CDC42BPA: variants seen among roughly 807,000 people sequenced by gnomAD.
CDC42BPA encodes the protein CDC42 binding protein kinase alpha.
In CDC42BPA, 80 loss-of-function variants were observed where a neutral mutation model predicts 223.5. That is an observed-to-expected ratio of 0.36 (90% CI 0.30 to 0.43). The LOEUF is 0.43. CDC42BPA is among the 20% of genes least tolerant of loss of function. CDC42BPA has a pLI of 1.00. For missense variants in CDC42BPA, 1,743 were observed against 2,099.9 expected (o/e 0.83, Z 3.32); for synonymous variants, 694 against 718.6 (o/e 0.97, Z 0.55).
At chr1:227,308,309 GA>G (rs1692909083) in intron 1 of CDC42BPA, among the ~76,000 whole-genome samples, 1 of 151,928 alleles carries the variant, frequency 6.6e-6, no homozygotes. Context: ...AGTTCAAGAT[GA>G]ACCTGGGCAA....
At chr1:227,195,710 A>T (rs1261540574) in intron 4 of CDC42BPA, among the ~76,000 whole-genome samples, 1 of 151,836 alleles carries the variant, frequency 6.6e-6, no homozygotes, top group African/African-American at 2.4e-5. Context: ...TTATTATATC[A>T]TATTGTTCTG....
intron 21 of CDC42BPA, among the ~76,000 whole-genome samples, chr1:227,065,468 C>T (rs555957859): frequency 6.6e-6 from 1 of 152,302 alleles, no homozygotes; most frequent in African/African-American, 2.4e-5. Flanking sequence ...ACTGGTATTA[C>T]ATATATTTCT....
intron 10 of CDC42BPA, among the ~76,000 whole-genome samples, chr1:227,136,627 A>G (rs1453302954): frequency 1.3e-5 from 2 of 152,216 alleles, no homozygotes; most frequent in African/African-American, 4.8e-5. Context: ...AGTTAAGGAC[A>G]TAATACTGAA....
intron 1 of CDC42BPA, among the ~76,000 whole-genome samples, chr1:227,260,838 A>C (rs1055166990): frequency 6.6e-6 from 1 of 151,112 alleles, no homozygotes; most frequent in Non-Finnish European, 1.5e-5. Context: ...GGAAAAGAGA[A>C]TAATCCATGC....
At chr1:227,099,704 T>C (rs529396771) in intron 15 of CDC42BPA, among the ~76,000 whole-genome samples, 6 of 152,252 alleles carry the variant, frequency 3.9e-5, no homozygotes, top group East Asian at 1.9e-4. Context: ...TTCTTCTCCA[T>C]GTAGAATGCT....
intron 16 of CDC42BPA, among the ~76,000 whole-genome samples, chr1:227,081,893 T>C (rs565712535): frequency 6.6e-6 from 1 of 152,332 alleles, no homozygotes; most frequent in East Asian, 1.9e-4. Context: ...CACGATAGCA[T>C]CATACTACAA....
intron 1 of CDC42BPA, among the ~76,000 whole-genome samples, chr1:227,276,266 A>G (rs1687005215): frequency 6.9e-6 from 1 of 145,754 alleles, no homozygotes; most frequent in Non-Finnish European, 1.5e-5. Flanking sequence ...CCCGTCTGGG[A>G]TCTGAGGAGC....
intron 5 of CDC42BPA, among the ~76,000 whole-genome samples, chr1:227,165,297 C>A (rs1334656386): frequency 6.6e-6 from 1 of 152,080 alleles, no homozygotes; most frequent in African/African-American, 2.4e-5. Flanking sequence ...AGATGGAGAA[C>A]ATACATATGA....
chr1:226,991,695 GCTCT>G lies in CDC42BPA; in HGVS notation c.*2569_*2572del, dbSNP rs3832013. 3 of 151,772 alleles carry G rather than the reference GCTCT, an allele frequency of 2.0e-5. No homozygotes were observed. Among genetic ancestry groups the G allele is most frequent in the East Asian group, 1.9e-4 (1 of 5,176 alleles). The allele number at this position is 151,772 out of a possible 1,614,324, so 9.4% of individuals were successfully genotyped here. On this transcript the variant is annotated 3_prime_UTR_variant, in exon 37 of 37. Coordinates refer to ENST00000366766, the MANE Select transcript of CDC42BPA (RefSeq NM_001394014.1). ...CTGGCAACCTAGACAAGCCTCAGTA[GCTCT>G]CTCTCTCTGCCCTGTTGGGAGGCTG...
At chr1:227,254,278 T>A (rs2148287104) in intron 1 of CDC42BPA, 123 bp from the exon 2 acceptor site, 1 of 561,624 alleles carries the variant, frequency 1.8e-6, no homozygotes, top group Non-Finnish European at 3.1e-6. Context: ...TCAAAATATT[T>A]AAAAATCCCA....
chr1:227,295,884 A>G (rs1442972033), intron 1 of CDC42BPA, among the ~76,000 whole-genome samples: 1 of 152,228 alleles, frequency 6.6e-6, no homozygotes, highest in East Asian at 1.9e-4. Context: ...CACTTTGTAC[A>G]TCAATCAGCC....
At chr1:227,268,142 G>GT (rs1448169863) in intron 1 of CDC42BPA, among the ~76,000 whole-genome samples, 2 of 152,146 alleles carry the variant, frequency 1.3e-5, no homozygotes, top group African/African-American at 4.8e-5. Context: ...AACTATTTCT[G>GT]AAGTTCAGGT....
In CDC42BPA at chr1:227,028,677, G is replaced by A; in HGVS notation, c.4412C>T (p.Pro1471Leu). Reference protein sequence around the residue: ...RRSRQQELMWPANPSSCCYNA... With the variant: ...RRSRQQELMWLANPSSCCYNA... ...CTTACAACAAGAGGAAGGATTTGCTGGCCACATCAATTCCTGTTGTCTAGA... is the reference window on the plus strand; with the variant it reads ...CTTACAACAAGAGGAAGGATTTGCTAGCCACATCAATTCCTGTTGTCTAGA... The change falls in exon 30 of 37, where the codon CCA becomes CTA. Residue 1471 changes from proline (P) to leucine (L), a missense_variant. Coordinates refer to ENST00000366766, the MANE Select transcript of CDC42BPA (RefSeq NM_001394014.1). 1 of 1,569,998 alleles carries A rather than the reference G, an allele frequency of 6.4e-7. No homozygotes were observed. Among genetic ancestry groups the A allele is most frequent in the Non-Finnish European group, 8.7e-7 (1 of 1,152,478 alleles).
Position 227,112,237 on chromosome 1 carries a change from T to C in CDC42BPA, c.2001+75A>G, listed in dbSNP as rs532578796. The C allele has an allele frequency of 1.2e-4, 90 of 773,714 alleles. 1 individual carries two copies. In the East Asian group the frequency reaches 2.3e-3, roughly 19 times the overall value. 47.9% of individuals were successfully genotyped at this position (773,714 alleles called of 1,614,324 possible). On this transcript the variant is annotated intron_variant, in intron 14 of 36. Coordinates refer to ENST00000366766, the MANE Select transcript of CDC42BPA (RefSeq NM_001394014.1). ...TTTTCACTGCACACCGAATACAGTATACAAGCTAACACTCCTAACAAGCCT... is the reference window on the plus strand; with the variant it reads ...TTTTCACTGCACACCGAATACAGTACACAAGCTAACACTCCTAACAAGCCT...
chr1:227,207,830 G>A, intron 3 of CDC42BPA, among the ~76,000 whole-genome samples: 1 of 121,068 alleles, frequency 8.3e-6, no homozygotes, highest in Non-Finnish European at 1.7e-5. Flanking sequence ...AAACATACGT[G>A]TGCATGTGTC....
chr1:227,184,431 G>T (rs1668433576), intron 5 of CDC42BPA, among the ~76,000 whole-genome samples: 1 of 151,778 alleles, frequency 6.6e-6, no homozygotes, highest in Non-Finnish European at 1.5e-5. Context: ...ATTTGTTCAA[G>T]ATTATTTTTG....
intron 24 of CDC42BPA, among the ~76,000 whole-genome samples, chr1:227,037,493 AC>A (rs1401657449): frequency 6.6e-6 from 1 of 152,208 alleles, no homozygotes; most frequent in Admixed American, 6.5e-5. Context: ...TGGATCTTTC[AC>A]TTTAGCTGTG....
At chr1:227,230,793 T>A (rs1169616483) in intron 2 of CDC42BPA, among the ~76,000 whole-genome samples, 1 of 150,630 alleles carries the variant, frequency 6.6e-6, no homozygotes, top group Non-Finnish European at 1.5e-5. Flanking sequence ...TCCTGCTAAC[T>A]GATTTCTATT....
chr1:227,024,185 G>A (rs975185415), intron 31 of CDC42BPA, among the ~76,000 whole-genome samples: 16 of 152,158 alleles, frequency 1.1e-4, no homozygotes, highest in African/African-American at 3.9e-4. Context: ...GGCATTTTAT[G>A]GAAGAGGAAA....
Sources: allele counts gnomAD v4.1 joint callset (sites outside exome capture counted in the v4.1 genomes callset), GRCh38; gene constraint gnomAD v4.1.1; transcripts MANE v1.5; gene names NCBI Gene and HGNC (gene_info 2026-07-23, HGNC 2026-07-21).